The following LARS2 variants were observed in gnomAD, a reference collection of about 807,000 sequenced individuals.
LARS2 encodes leucine--tRNA ligase, mitochondrial.
A neutral mutation model predicts 116.6 loss-of-function variants in LARS2; 81 were observed. The ratio of observed to expected loss-of-function variants is 0.69; its 90% CI spans 0.58 to 0.84. LARS2 has a LOEUF of 0.84. Ranked by LOEUF, LARS2 falls within the 40% of genes least tolerant of loss-of-function variation. The pLI, the probability that LARS2 is intolerant of heterozygous loss-of-function variation, is 0.00. For synonymous variants in LARS2, 396 were observed against 407.2 expected (o/e 0.97, Z 0.33); for missense variants, 968 against 1,114.5 (o/e 0.87, Z 1.87).
chr3:45,452,449 T>C (rs2138209), intron 7 of LARS2, among the ~76,000 whole-genome samples: 48,710 of 151,772 alleles, frequency 0.32, 8,119 homozygotes, highest in Middle Eastern at 0.44. Context: ...CTATGGAAAT[T>C]ATGTGTTTTG....
At chr3:45,435,725 T>C (rs1275506199) in intron 6 of LARS2, among the ~76,000 whole-genome samples, 1 of 152,136 alleles carries the variant, frequency 6.6e-6, no homozygotes, top group Non-Finnish European at 1.5e-5. Flanking sequence ...ATTCTGGGGC[T>C]TACCGGGCAT....
At chr3:45,419,555 A>G (rs749030333) in intron 5 of LARS2, 114 bp from the exon 6 acceptor site, 12 of 808,892 alleles carry the variant, frequency 1.5e-5, no homozygotes, top group Non-Finnish European at 1.4e-5. Context: ...CAACACTTAA[A>G]ACCCATTTGA....
chr3:45,447,234 A>G (rs148507627), intron 7 of LARS2, among the ~76,000 whole-genome samples: 216 of 152,332 alleles, frequency 1.4e-3, no homozygotes, highest in Middle Eastern at 6.8e-3. Context: ...AAGAAAGAAC[A>G]CAGGCTTCTC....
intron 8 of LARS2, among the ~76,000 whole-genome samples, chr3:45,472,784 A>T (rs1411041175): frequency 6.6e-6 from 1 of 152,166 alleles, no homozygotes; most frequent in African/African-American, 2.4e-5. Flanking sequence ...ATACTTGTGG[A>T]GTGACTTGGG....
intron 21 of LARS2, among the ~76,000 whole-genome samples, chr3:45,546,652 A>G (rs1166675922): frequency 2.0e-5 from 2 of 100,586 alleles, no homozygotes; most frequent in Non-Finnish European, 4.5e-5. Flanking sequence ...TTTCGGAGCA[A>G]TGGGATTGAG....
intron 6 of LARS2, among the ~76,000 whole-genome samples, chr3:45,436,211 G>A (rs915091255): frequency 6.6e-6 from 1 of 152,102 alleles, no homozygotes; most frequent in East Asian, 1.9e-4. Context: ...ATCCATGCCT[G>A]TGTCTAACAA....
chr3:45,532,161 C>T (rs1700625287), intron 20 of LARS2, among the ~76,000 whole-genome samples: 1 of 152,212 alleles, frequency 6.6e-6, no homozygotes, highest in Non-Finnish European at 1.5e-5. Flanking sequence ...TACAGGCAGT[C>T]AGGTCTTATT....
intron 10 of LARS2, among the ~76,000 whole-genome samples, chr3:45,478,493 T>C (rs1699649948): frequency 1.3e-5 from 2 of 152,192 alleles, no homozygotes; most frequent in African/African-American, 4.8e-5. Flanking sequence ...ATTCAAAACA[T>C]TTTCATATGT....
intron 16 of LARS2, among the ~76,000 whole-genome samples, chr3:45,513,648 C>A (rs577619003): frequency 5.3e-5 from 8 of 152,198 alleles, no homozygotes; most frequent in African/African-American, 1.9e-4. Flanking sequence ...CATTTCAGAA[C>A]CTTGGGGGGC....
chr3:45,408,353 A>G (rs752031720), intron 4 of LARS2, among the ~76,000 whole-genome samples: 5 of 152,018 alleles, frequency 3.3e-5, no homozygotes, highest in African/African-American at 4.8e-5. Flanking sequence ...GTCATCAGTA[A>G]CTCCTGGTCT....
At chr3:45,406,817 A>G (rs1212492051) in intron 4 of LARS2, among the ~76,000 whole-genome samples, 3 of 152,236 alleles carry the variant, frequency 2.0e-5, no homozygotes, top group African/African-American at 7.2e-5. Context: ...GTAATCAGAA[A>G]AGGCTGTACT....
intron 7 of LARS2, among the ~76,000 whole-genome samples, chr3:45,451,546 C>G (rs934239691): frequency 6.6e-6 from 1 of 152,008 alleles, no homozygotes; most frequent in Non-Finnish European, 1.5e-5. Flanking sequence ...TTCTCTGTTT[C>G]ATTTCATTGG....
At chr3:45,451,476 A>G (rs990825136) in intron 7 of LARS2, among the ~76,000 whole-genome samples, 12 of 152,014 alleles carry the variant, frequency 7.9e-5, no homozygotes, top group African/African-American at 2.9e-4. Flanking sequence ...TCCCCAATGT[A>G]TGTTTTTAGA....
At chr3:45,541,375 TC>T (rs1700793546) in intron 20 of LARS2, among the ~76,000 whole-genome samples, 1 of 152,020 alleles carries the variant, frequency 6.6e-6, no homozygotes, top group African/African-American at 2.4e-5. Flanking sequence ...GTCCTGCCGT[TC>T]ACTGCATCCT....
In LARS2 at chr3:45,412,259, A is replaced by T. The variant is rs192284637; in HGVS notation, c.364-5223A>T. Among the ~76,000 whole-genome samples, 5 of 152,034 alleles carry T rather than the reference A, an allele frequency of 3.3e-5. No homozygotes were observed. The East Asian group carries it at 9.7e-4, about 29-fold the overall frequency. On this transcript the variant is annotated intron_variant, in intron 4 of 21. Coordinates refer to ENST00000645846, the MANE Select transcript of LARS2 (RefSeq NM_015340.4). ...AATTCTGTTGTCAGCTTTTTGAAGA[A>T]TCCCTACACTAGCTTCCACAATGGT...
chr3:45,510,104 C>T (rs763462538), intron 15 of LARS2, among the ~76,000 whole-genome samples: 9 of 151,968 alleles, frequency 5.9e-5, no homozygotes, highest in Admixed American at 3.3e-4. Context: ...GAACTGGAGA[C>T]TGAGAGTGGC....
Position 45,476,608 on chromosome 3 carries a change from G to C in LARS2, c.999G>C (p.Met333Ile). The change falls in exon 10 of 22, where the codon ATG (methionine) becomes ATC (isoleucine). Residue 333 changes from methionine (M) to isoleucine (I), a missense_variant. Transcript: ENST00000645846. ...GCTCTCTGAAGGAAGCCTTGAGGAT[G>C]GCCCTTGTCCCTGGCAAAGGTGAGC... ...GHSSLKEALRMALVPGKDCLT... is the reference protein window; with the variant it reads ...GHSSLKEALRIALVPGKDCLT... The C allele has an allele frequency of 6.2e-7, 1 of 1,614,120 alleles. No individual in the cohort carries two copies. The highest frequency in any genetic ancestry group is 8.5e-7 in the Non-Finnish European group (1 of 1,180,004).
chr3:45,456,305 G>T (rs924515007), intron 7 of LARS2, among the ~76,000 whole-genome samples: 4 of 152,172 alleles, frequency 2.6e-5, no homozygotes, highest in African/African-American at 9.7e-5. Flanking sequence ...AATTAAGACT[G>T]GGTGTGGTGA....
chr3:45,503,690 T>C (rs1700156429), intron 15 of LARS2, among the ~76,000 whole-genome samples: 1 of 152,040 alleles, frequency 6.6e-6, no homozygotes, highest in African/African-American at 2.4e-5. Flanking sequence ...GTTGTTGTTA[T>C]GTTGTTTTTC....
Sources: gnomAD v4.1 joint callset for allele counts (sites outside exome capture counted in the v4.1 genomes callset) on GRCh38, gnomAD v4.1.1 for gene constraint, MANE v1.5 for transcripts, NCBI Gene and HGNC (gene_info 2026-07-23, HGNC 2026-07-21) for gene names.